Variants in XKR4 observed in about 807,000 individuals in gnomAD.
The protein encoded by XKR4 is XK related 4, also known as XK-related protein 4.
Under a neutral mutation model 53.9 loss-of-function variants are expected in XKR4, and 12 were observed. The observed-to-expected ratio is 0.22, with a 90% CI of 0.14 to 0.36. XKR4 has a LOEUF of 0.36. Among genes scored for constraint, XKR4 ranks in the 10% least tolerant of loss-of-function variants. The pLI, the probability that XKR4 is intolerant of heterozygous loss-of-function variation, is 1.00. For synonymous variants in XKR4, 354 were observed against 362.4 expected (o/e 0.98, Z 0.26); for missense variants, 799 against 859.5 (o/e 0.93, Z 0.88).
intron 1 of XKR4, among the ~76,000 whole-genome samples, chr8:55,161,064 C>G (rs1027362443): frequency 1.3e-5 from 2 of 152,132 alleles, no homozygotes; most frequent in Admixed American, 1.3e-4. Context: ...GTGTTCTGAG[C>G]TTCGGCTTTG....
rs78085544 is a variant in XKR4 at position 55,351,342 on chromosome 8, T to G, written c.807-6336T>G. Among the ~76,000 whole-genome samples the G allele has an allele frequency of 3.7e-4, 56 of 152,332 alleles. No individual in the cohort carries two copies. In the East Asian group the frequency reaches 9.3e-3, roughly 25 times the overall value. On this transcript the variant is annotated intron_variant, in intron 1 of 2. Transcript: ENST00000327381. ...AAACTCTGTGAAACCTAATACTGGT[T>G]GTTTTATTCTATTGGAAGAAACCTG... is the stretch of plus-strand genomic sequence containing the variant.
At position 55,242,588 on chromosome 8, in the gene XKR4, A is replaced by G. The variant is rs577681790; in HGVS notation, c.807-115090A>G. On this transcript the variant is annotated intron_variant, in intron 1 of 2. Transcript: ENST00000327381. ...TAAAAATCAAGTAAATGCAAACAGAATAATTGATGAGATGCCATTATCACT... is the reference window on the plus strand; with the variant it reads ...TAAAAATCAAGTAAATGCAAACAGAGTAATTGATGAGATGCCATTATCACT... Among the ~76,000 whole-genome samples, 4 of 152,360 alleles carry G rather than the reference A, an allele frequency of 2.6e-5. 1 individual carries two copies. The highest frequency in any genetic ancestry group is 1.9e-4 in the East Asian group (1 of 5,190).
intron 2 of XKR4, among the ~76,000 whole-genome samples, chr8:55,364,588 C>G (rs1386332453): frequency 6.6e-6 from 1 of 152,084 alleles, no homozygotes; most frequent in Non-Finnish European, 1.5e-5. Context: ...TCTTATTGTT[C>G]GTTTGGTTGG....
At chr8:55,259,388 A>G (rs1818484858) in intron 1 of XKR4, among the ~76,000 whole-genome samples, 2 of 152,350 alleles carry the variant, frequency 1.3e-5, no homozygotes, top group East Asian at 3.9e-4. Flanking sequence ...GGCAGCTACT[A>G]GTGCGATATG....
intron 1 of XKR4, among the ~76,000 whole-genome samples, chr8:55,305,385 A>G (rs1453904406): frequency 6.6e-6 from 1 of 152,100 alleles, no homozygotes; most frequent in African/African-American, 2.4e-5. Flanking sequence ...TGATTGCTCT[A>G]GGGACCCAGA....
intron 1 of XKR4, among the ~76,000 whole-genome samples, chr8:55,266,690 T>C (rs1412337560): frequency 6.6e-6 from 1 of 152,136 alleles, no homozygotes. Context: ...TGGCTGTGTT[T>C]TGCTGTTAAA....
At chr8:55,222,653 T>C (rs1341691274) in intron 1 of XKR4, among the ~76,000 whole-genome samples, 1 of 152,216 alleles carries the variant, frequency 6.6e-6, no homozygotes, top group Non-Finnish European at 1.5e-5. Context: ...AGGTAGAACT[T>C]TGTCTTATTC....
At position 55,321,816 on chromosome 8, in the gene XKR4, C is replaced by G. The variant is rs533572909; in HGVS notation, c.807-35862C>G. Among the ~76,000 whole-genome samples the G allele has an allele frequency of 2.0e-5, 3 of 152,206 alleles. No individual in the cohort carries two copies. In the East Asian group the frequency reaches 5.8e-4, roughly 29 times the overall value. On this transcript the variant is annotated intron_variant, in intron 1 of 2. Transcript: ENST00000327381. ...ACATCCTGGCCAACGTGGTGAAACC[C>G]CGTCTCTACTAAAAATACAAAAGTT...
intron 1 of XKR4, among the ~76,000 whole-genome samples, chr8:55,229,868 CTTTTTTTTT>C (rs5891563): frequency 7.1e-6 from 1 of 140,320 alleles, no homozygotes; most frequent in Non-Finnish European, 1.6e-5. Context: ...AGTTAATTAG[CTTTTTTTTT>C]TTTTTTTTCT....
rs1461144394 is a variant in XKR4, at chr8:55,102,604, C to T, written c.116C>T (p.Pro39Leu). The change falls in exon 1 of 3, where the codon CCG becomes CTG. Residue 39 changes from proline (P) to leucine (L), a missense_variant. By Grantham distance (98) the Pro-to-Leu change is moderately conservative. Around this residue, in one of 3 missense-constraint regions of XKR4, gnomAD observed 476 missense variants for 505.4 expected, o/e 0.94. Transcript: ENST00000327381. This position sits in a 1 kb window ranked among gnomAD's most constrained non-coding sequence, Gnocchi z 5.1. ...GSVQGLAPGL[P>L]SGSGAEDEEA... is the part of the protein sequence containing the mutation. ...GTGCAGGGATTGGCTCCAGGCTTGC[C>T]GTCGGGGTCGGGAGCCGAGGACGAG... 2 of 1,468,854 alleles carry T rather than the reference C, an allele frequency of 1.4e-6. No individual in the cohort carries two copies. The highest frequency in any genetic ancestry group is 2.8e-5 in the East Asian group (1 of 36,172). 91.0% of individuals were successfully genotyped at this position (1,468,854 alleles called of 1,614,324 possible). A position where few individuals can be genotyped will look rare whatever the true frequency, so the allele number is the denominator to read the frequency against.
chr8:55,457,964 C>T (rs1179830016), intron 2 of XKR4, among the ~76,000 whole-genome samples: 1 of 152,102 alleles, frequency 6.6e-6, no homozygotes, highest in Non-Finnish European at 1.5e-5. Context: ...AACCATAAAA[C>T]GTTACTGTGA....
At chr8:55,348,158 CA>C (rs1803675079) in intron 1 of XKR4, among the ~76,000 whole-genome samples, 1 of 152,136 alleles carries the variant, frequency 6.6e-6, no homozygotes, top group Non-Finnish European at 1.5e-5. Context: ...CCCAATGTGA[CA>C]AAACACCATG....
chr8:55,405,407 ATTTGC>A (rs1259774856), intron 2 of XKR4, among the ~76,000 whole-genome samples: 1 of 152,182 alleles, frequency 6.6e-6, no homozygotes, highest in East Asian at 1.9e-4. Context: ...GCCTTTCATT[ATTTGC>A]TTTCTGAAAA....
intron 1 of XKR4, among the ~76,000 whole-genome samples, chr8:55,249,809 T>G (rs575656904): frequency 1.6e-4 from 24 of 152,254 alleles, no homozygotes; most frequent in Non-Finnish European, 2.9e-4. Flanking sequence ...TCAACTCTTG[T>G]CATTCTTACT....
rs990423 is a variant in XKR4, at chr8:55,343,319, G to A, written c.807-14359G>A. Reference sequence around the variant, plus strand: ...GTTCTTATGATGGTGAAAGCTTTTCGCCCTTTCCTGGACTCATCTTCATGA... The same window carrying A: ...GTTCTTATGATGGTGAAAGCTTTTCACCCTTTCCTGGACTCATCTTCATGA... On this transcript the variant is annotated intron_variant, in intron 1 of 2. Transcript: ENST00000327381. 1.9e-3 allele frequency among the ~76,000 whole-genome samples: 292 copies of A among 152,176 alleles called. 12 individuals carry two copies. The South Asian group carries it at 0.058, about 30-fold the overall frequency.
rs114020854 is a variant in XKR4, at chr8:55,498,928, G to A, written c.1007-24353G>A. Among the ~76,000 whole-genome samples, 467 of 152,342 alleles carry A rather than the reference G, an allele frequency of 3.1e-3. 2 individuals carry two copies. The highest frequency in any genetic ancestry group is 0.011 in the African/African-American group (441 of 41,568). On this transcript the variant is annotated intron_variant, in intron 2 of 2. Transcript: ENST00000327381. ...GATGAGGAAATTGGGACTCAGAGAA[G>A]CGAAAGGACTTGACTTTCTAGGATC... is the stretch of plus-strand genomic sequence containing the variant.
chr8:55,502,255 A>G, intron 2 of XKR4, among the ~76,000 whole-genome samples: 1 of 152,344 alleles, frequency 6.6e-6, no homozygotes, highest in Non-Finnish European at 1.5e-5. Context: ...TTGCCAGATC[A>G]TGTGGTAATT....
At chr8:55,169,682 G>A (rs996734107) in intron 1 of XKR4, among the ~76,000 whole-genome samples, 3 of 152,100 alleles carry the variant, frequency 2.0e-5, no homozygotes, top group South Asian at 2.1e-4. Context: ...TTTTCCCCAC[G>A]TTCCATCTAA....
In XKR4 at chr8:55,144,172, A is replaced by G. The variant is rs552943697; in HGVS notation, c.806+40878A>G. On this transcript the variant is annotated intron_variant, in intron 1 of 2. Transcript: ENST00000327381. ...ATTCATTTTGCATCTCTTCTTGTCA[A>G]TATTATTTAACAGGAGTTTCACACC... 7.1e-4 allele frequency among the ~76,000 whole-genome samples: 108 copies of G among 152,174 alleles called. 1 individual carries two copies. Among genetic ancestry groups the G allele is most frequent in the Non-Finnish European group, 1.1e-3 (78 of 68,040 alleles).
Sources: allele counts gnomAD v4.1 joint callset (sites outside exome capture counted in the v4.1 genomes callset), GRCh38; gene constraint gnomAD v4.1.1; regional missense constraint gnomAD v4.1.1; non-coding constraint Gnocchi (gnomAD v3.1); transcripts MANE v1.5; gene names NCBI Gene and HGNC (gene_info 2026-07-23, HGNC 2026-07-21).